The following ZZEF1 variants were observed in gnomAD, a reference collection of about 807,000 sequenced individuals.
ZZEF1 encodes the protein zinc finger ZZ-type and EF-hand domain containing 1.
Under a neutral mutation model 342.8 loss-of-function variants are expected in ZZEF1, and 157 were observed. The observed-to-expected ratio is 0.46, with a 90% CI of 0.40 to 0.52. The LOEUF (loss-of-function observed/expected upper bound fraction) is 0.52, where lower values mean the gene tolerates loss of function less well. Ranked by LOEUF, ZZEF1 falls within the 20% of genes least tolerant of loss-of-function variation. The probability of loss-of-function intolerance (pLI) is 0.00; values close to 1 mark genes in which losing one functional copy is unlikely to be tolerated. For missense variants in ZZEF1, 3,480 were observed against 3,725.6 expected (o/e 0.93, Z 1.72); for synonymous variants, 1,505 against 1,429.1 (o/e 1.05, Z -1.20).
intron 38 of ZZEF1, 100 bp from the exon 39 acceptor site, chr17:4,042,668 G>A (rs1357775786): frequency 3.2e-6 from 4 of 1,252,484 alleles, no homozygotes; most frequent in Non-Finnish European, 4.4e-6. Flanking sequence ...ACGGAATAAA[G>A]CTGGGATTTT....
chr17:4,106,611 G>A (rs1379809417), intron 6 of ZZEF1, among the ~76,000 whole-genome samples: 2 of 151,908 alleles, frequency 1.3e-5, no homozygotes, highest in Non-Finnish European at 2.9e-5. Context: ...CATGTTTCTT[G>A]GCCTTTCCAC....
chr17:4,040,125 A>G (rs1597799033), intron 39 of ZZEF1, among the ~76,000 whole-genome samples: 2 of 152,208 alleles, frequency 1.3e-5, no homozygotes, highest in East Asian at 1.9e-4. Context: ...ATGGTGGAAG[A>G]CTATGCAGCA....
At position 4,017,645 on chromosome 17, in the gene ZZEF1, T is replaced by A; in HGVS notation, c.7727A>T (p.Gln2576Leu). 1 of 1,614,164 alleles carries A rather than the reference T, an allele frequency of 6.2e-7. No individual in the cohort carries two copies. Among genetic ancestry groups the A allele is most frequent in the Non-Finnish European group, 8.5e-7 (1 of 1,180,032 alleles). Residue 2576 changes from glutamine to leucine, a missense_variant, in exon 48 of 55, where the codon CAG (glutamine) becomes CTG (leucine). By Grantham distance (113) the Gln-to-Leu change is moderately radical. This residue lies in a region of ZZEF1 where 1,269 missense variants were observed against 1,342.4 expected (regional missense o/e 0.95). Coordinates refer to ENST00000381638, the MANE Select transcript of ZZEF1 (RefSeq NM_015113.4). The surrounding 1 kb of genome is among the most constrained non-coding windows in gnomAD (Gnocchi z 5.1). ...ACGGCGCTGCTTGGCATAGCTCTGC[T>A]GCAGTTCGCTCTCTGTGCTGGAGAT... is the stretch of plus-strand genomic sequence containing the variant. ...KLISSTESEL[Q>L]QSYAKQRRSK...
intron 45 of ZZEF1, 166 bp from the exon 46 acceptor site, chr17:4,019,935 A>G: frequency 1.9e-6 from 1 of 535,718 alleles, no homozygotes; most frequent in Non-Finnish European, 3.2e-6. Context: ...TGTAAGCACC[A>G]AAACATGGAC....
In ZZEF1 at chr17:4,008,539, G is replaced by A; in HGVS notation, c.8805+344C>T. 1 of 1,056,192 alleles carries A rather than the reference G, an allele frequency of 9.5e-7. No individual in the cohort carries two copies. The highest frequency in any genetic ancestry group is 1.1e-6 in the Non-Finnish European group (1 of 874,674). 65.4% of individuals were successfully genotyped at this position (1,056,192 alleles called of 1,614,324 possible). A position where few individuals can be genotyped will look rare whatever the true frequency, so the allele number is the denominator to read the frequency against. On this transcript the variant is annotated intron_variant, in intron 54 of 54. Transcript: ENST00000381638. The surrounding 1 kb of genome is among the most constrained non-coding windows in gnomAD (Gnocchi z 4.2). The stretch of plus-strand genomic sequence containing the variant: ...TGAGACCAAACAGCTGTCAGAAGAG[G>A]AGTTCCGCTACCAGAGAAGCAACTC...
rs1420848211 is a variant in ZZEF1, at chr17:4,016,347, C to T, written c.8121G>A (p.Pro2707=). 8 of 1,613,962 alleles carry T rather than the reference C, an allele frequency of 5.0e-6. No individual in the cohort carries two copies. Among genetic ancestry groups the T allele is most frequent in the Admixed American group, 3.3e-5 (2 of 59,986 alleles). Residue 2707 remains proline, a synonymous_variant, in exon 49 of 55, where the codon CCG becomes CCA. Transcript: ENST00000381638. The surrounding 1 kb of genome is among the most constrained non-coding windows in gnomAD (Gnocchi z 4.4). ...MEVQVRESKH[P]YNNNTNFEDK... is the part of the protein sequence containing the mutation. The stretch of plus-strand genomic sequence containing the variant: ...CCTCGAAGTTGGTGTTGTTGTTATA[C>T]GGGTGTTTCGACTCCCTCACTTGCA...
At chr17:4,124,535 C>G (rs1432870553) in intron 1 of ZZEF1, among the ~76,000 whole-genome samples, 1 of 152,110 alleles carries the variant, frequency 6.6e-6, no homozygotes, top group African/African-American at 2.4e-5. Context: ...CTCCGCCTCC[C>G]GGGTTCAAGT....
Position 4,014,613 on chromosome 17 carries a change from T to C in ZZEF1, c.8146-98A>G. The C allele has an allele frequency of 7.9e-7, 1 of 1,271,786 alleles. No individual in the cohort carries two copies. Among genetic ancestry groups the C allele is most frequent in the Non-Finnish European group, 1.1e-6 (1 of 889,550 alleles). The allele number at this position is 1,271,786 out of a possible 1,614,324, so 78.8% of individuals were successfully genotyped here. A position where few individuals can be genotyped will look rare whatever the true frequency, so the allele number is the denominator to read the frequency against. On this transcript the variant is annotated intron_variant, in intron 49 of 54. Transcript: ENST00000381638. The surrounding 1 kb of genome is among the most constrained non-coding windows in gnomAD (Gnocchi z 4.4). ...AGTCCTGTGGCTGGACCCGGGTGTGTGAGAATGAGTGAACCACAGCCCTGG... is the reference window on the plus strand; with the variant it reads ...AGTCCTGTGGCTGGACCCGGGTGTGCGAGAATGAGTGAACCACAGCCCTGG...
rs1430025001 is a variant in ZZEF1, at chr17:4,076,735, T to C, written c.3136A>G (p.Thr1046Ala). 4.3e-6 allele frequency: 7 copies of C among 1,611,248 alleles called. No homozygotes were observed. The highest frequency in any genetic ancestry group is 5.1e-6 in the Non-Finnish European group (6 of 1,177,794). The change falls in exon 21 of 55, where the codon ACT (threonine) becomes GCT (alanine). Residue 1046 changes from threonine to alanine, a missense_variant. Transcript: ENST00000381638. ...QLVIFLLDFC[T>A]LDIPHCVLLR... ...AGCACGCAGTGTGGGATGTCTAAAG[T>C]GCAGAAGTCCAGCAGGAAGATAACC...
intron 37 of ZZEF1, among the ~76,000 whole-genome samples, chr17:4,045,702 C>T (rs2056898434): frequency 6.6e-6 from 1 of 152,176 alleles, no homozygotes; most frequent in Non-Finnish European, 1.5e-5. Flanking sequence ...TACATAAAGC[C>T]AACCACACAT....
At chr17:4,110,509 A>G (rs557007533) in intron 5 of ZZEF1, among the ~76,000 whole-genome samples, 4 of 152,320 alleles carry the variant, frequency 2.6e-5, no homozygotes, top group Non-Finnish European at 5.9e-5. Context: ...TGAGCAAAGA[A>G]CACTTCTTTT....
chr17:4,090,785 G>C lies in ZZEF1; in HGVS notation c.1959C>G (p.Gly653=), dbSNP rs947714694. Residue 653 remains glycine (G), a synonymous_variant, in exon 12 of 55, where the codon GGC becomes GGG. Coordinates refer to ENST00000381638, the MANE Select transcript of ZZEF1 (RefSeq NM_015113.4). The part of the protein sequence containing the change: ...SDDLGEDDPI[G]WFELEEEWDE... ...CCCATTCTTCTTCCAGTTCAAACCAGCCAATAGGATCATCCTCTCCAAGGT... is the reference window on the plus strand; with the variant it reads ...CCCATTCTTCTTCCAGTTCAAACCACCCAATAGGATCATCCTCTCCAAGGT... 2.5e-6 allele frequency: 4 copies of C among 1,613,986 alleles called. No individual in the cohort carries two copies. Among genetic ancestry groups the C allele is most frequent in the Non-Finnish European group, 2.5e-6 (3 of 1,180,028 alleles).
At chr17:4,023,569 C>T (rs533576442) in intron 43 of ZZEF1, among the ~76,000 whole-genome samples, 91 of 148,802 alleles carry the variant, frequency 6.1e-4, no homozygotes, top group Non-Finnish European at 8.8e-4. Context: ...CCTGTAACCC[C>T]AGCACTTCAA....
rs920670018 is a variant in ZZEF1, at chr17:4,017,336, T to A, written c.8001+35A>T. On this transcript the variant is annotated intron_variant, in intron 48 of 54. Coordinates refer to ENST00000381638, the MANE Select transcript of ZZEF1 (RefSeq NM_015113.4). This position sits in a 1 kb window ranked among gnomAD's most constrained non-coding sequence, Gnocchi z 5.1. The stretch of plus-strand genomic sequence containing the variant: ...AAGCCTGTGGGGCAGAGGAAGAACC[T>A]GGTGGGTGAGCACAAGCTCAGTCTG... 6.4e-7 allele frequency: 1 copy of A among 1,550,694 alleles called. No homozygotes were observed. The highest frequency in any genetic ancestry group is 8.7e-7 in the Non-Finnish European group (1 of 1,146,972).
rs2056108250 is a variant in ZZEF1, at chr17:4,016,590, G to T, written c.8002-124C>A. ...CATCTTAGACCTAGGACGAGCCTCT[G>T]TGACTCCACCACCCAAAACCAACTC... On this transcript the variant is annotated intron_variant, in intron 48 of 54. Coordinates refer to ENST00000381638, the MANE Select transcript of ZZEF1 (RefSeq NM_015113.4). The surrounding 1 kb of genome is among the most constrained non-coding windows in gnomAD (Gnocchi z 4.4). 1 of 1,218,698 alleles carries T rather than the reference G, an allele frequency of 8.2e-7. No individual in the cohort carries two copies. Among genetic ancestry groups the T allele is most frequent in the Non-Finnish European group, 1.1e-6 (1 of 900,934 alleles). 75.5% of individuals were successfully genotyped at this position (1,218,698 alleles called of 1,614,324 possible).
intron 11 of ZZEF1, among the ~76,000 whole-genome samples, chr17:4,091,874 C>A (rs993289109): frequency 6.6e-6 from 1 of 150,496 alleles, no homozygotes; most frequent in South Asian, 2.1e-4. Flanking sequence ...GTCAGGAATT[C>A]GAGACCAGCC....
chr17:4,031,041 G>A (rs1237112393), intron 42 of ZZEF1, among the ~76,000 whole-genome samples: 2 of 152,086 alleles, frequency 1.3e-5, no homozygotes, highest in African/African-American at 4.8e-5. Flanking sequence ...TAGGCTGGGC[G>A]CAGTGGCTCA....
At chr17:4,130,595 C>A (rs368174042) in intron 1 of ZZEF1, among the ~76,000 whole-genome samples, 7 of 151,942 alleles carry the variant, frequency 4.6e-5, no homozygotes, top group African/African-American at 1.7e-4. Context: ...CTAAGGAAAC[C>A]GGGAGAGAAA....
At chr17:4,090,186 CA>C (rs35576584) in intron 12 of ZZEF1, among the ~76,000 whole-genome samples, 1 of 52,196 alleles carries the variant, frequency 1.9e-5, no homozygotes. Context: ...GCTGTGTTCT[CA>C]ACTATTCTCT....
Sources: allele counts gnomAD v4.1 joint callset (sites outside exome capture counted in the v4.1 genomes callset), GRCh38; gene constraint gnomAD v4.1.1; regional missense constraint gnomAD v4.1.1; non-coding constraint Gnocchi (gnomAD v3.1); transcripts MANE v1.5; gene names NCBI Gene and HGNC (gene_info 2026-07-23, HGNC 2026-07-21).